The following RXFP2 variants were observed in gnomAD, a reference collection of about 807,000 sequenced individuals.
The protein encoded by RXFP2 is relaxin receptor 2.
RXFP2 carries 68 observed loss-of-function variants against 88.6 expected under a neutral mutation model. That is an observed-to-expected ratio of 0.77 (90% CI 0.63 to 0.94). The LOEUF is 0.94. Among genes scored for constraint, RXFP2 ranks in the 40% least tolerant of loss-of-function variants. The pLI is 0.00. For missense variants in RXFP2, 791 were observed against 893.9 expected, an observed-to-expected ratio of 0.88 and a Z score of 1.47; for synonymous variants, 329 against 306.8, an observed-to-expected ratio of 1.07 and a Z score of -0.76.
intron 1 of RXFP2, among the ~76,000 whole-genome samples, chr13:31,753,403 G>A (rs1871764345): frequency 6.6e-6 from 1 of 152,064 alleles, no homozygotes; most frequent in African/African-American, 2.4e-5. Flanking sequence ...ACAGAAGAAG[G>A]GTGACTACTG....
intron 5 of RXFP2, among the ~76,000 whole-genome samples, chr13:31,773,550 T>G (rs1872810957): frequency 6.6e-6 from 1 of 152,174 alleles, no homozygotes; most frequent in African/African-American, 2.4e-5. Flanking sequence ...AATATTCATT[T>G]GTACCCCTTC....
chr13:31,781,858 A>T, intron 10 of RXFP2, 116 bp downstream of exon 10: 1 of 757,940 alleles, frequency 1.3e-6, no homozygotes, highest in South Asian at 1.6e-5. Flanking sequence ...TTGGTCTGAC[A>T]CTGCAGTGCT....
At position 31,756,857 on chromosome 13, in the gene RXFP2, G is replaced by A. The variant is rs115540195; in HGVS notation, c.95-1401G>A. Among the ~76,000 whole-genome samples the A allele has an allele frequency of 9.0e-3, 1,368 of 152,154 alleles. 21 individuals carry two copies. The highest frequency in any genetic ancestry group is 0.031 in the African/African-American group (1,291 of 41,478). On this transcript the variant is annotated intron_variant, in intron 1 of 17. Transcript: ENST00000298386. ...GCTGGTCTCAAACTGCTGGCCTCAA[G>A]TAATTTCCCCACCTCGGCCTCAAAG...
At chr13:31,759,382 AAAG>A (rs1872153095) in intron 2 of RXFP2, among the ~76,000 whole-genome samples, 2 of 126,226 alleles carry the variant, frequency 1.6e-5, no homozygotes, top group African/African-American at 6.0e-5. Context: ...ATTGAGAAAG[AAAG>A]AAAGAAAGAA....
chr13:31,796,406 A>G (rs1443089712), intron 16 of RXFP2, among the ~76,000 whole-genome samples: 3 of 151,670 alleles, frequency 2.0e-5, no homozygotes, highest in African/African-American at 7.2e-5. Flanking sequence ...TCATTTATTA[A>G]AATTATTTTT....
chr13:31,781,647 A>C (rs752541996), intron 9 of RXFP2, 24 bp from the exon 10 acceptor site: 1 of 1,537,314 alleles, frequency 6.5e-7, no homozygotes, highest in Non-Finnish European at 9.0e-7. Flanking sequence ...AATATTAAAA[A>C]TATCTTTCCT....
intron 3 of RXFP2, among the ~76,000 whole-genome samples, chr13:31,764,528 G>T (rs1169047436): frequency 6.6e-6 from 1 of 152,156 alleles, no homozygotes; most frequent in Non-Finnish European, 1.5e-5. Context: ...TATCTGGCTG[G>T]ATGGATTTTA....
intron 1 of RXFP2, among the ~76,000 whole-genome samples, chr13:31,752,046 C>T (rs1374453527): frequency 6.6e-5 from 10 of 152,174 alleles, no homozygotes; most frequent in Non-Finnish European, 2.9e-5. Context: ...CCACCAACAG[C>T]CACAGCATTC....
At chr13:31,750,654 AG>A (rs1157840338) in intron 1 of RXFP2, among the ~76,000 whole-genome samples, 2 of 152,190 alleles carry the variant, frequency 1.3e-5, no homozygotes, top group Admixed American at 6.5e-5. Flanking sequence ...GAGGGAAAAA[AG>A]TTTTTAACCT....
At chr13:31,762,028 T>C (rs887211641) in intron 3 of RXFP2, among the ~76,000 whole-genome samples, 11 of 152,214 alleles carry the variant, frequency 7.2e-5, no homozygotes, top group African/African-American at 2.4e-4. Flanking sequence ...ATTGCAAGAA[T>C]ATATAAGTAT....
intron 15 of RXFP2, 37 bp downstream of exon 15, chr13:31,792,072 C>A: frequency 6.9e-7 from 1 of 1,453,176 alleles, no homozygotes; most frequent in Non-Finnish European, 9.7e-7. Context: ...TTAAGGATAT[C>A]TTCTGTGAGT....
At chr13:31,792,559 A>G (rs1593470793) in intron 15 of RXFP2, 119 bp from the exon 16 acceptor site, 16 of 953,110 alleles carry the variant, frequency 1.7e-5, no homozygotes, top group South Asian at 5.6e-5. Flanking sequence ...TTCATTTGAT[A>G]TAAGATGAAA....
chr13:31,766,683 G>C (rs1177522301), intron 5 of RXFP2, among the ~76,000 whole-genome samples: 4 of 152,076 alleles, frequency 2.6e-5, no homozygotes, highest in Non-Finnish European at 4.4e-5. Flanking sequence ...CAATCCCTTT[G>C]CTTTGATTCT....
chr13:31,774,602 T>A lies in RXFP2; in HGVS notation c.498-18T>A. 7.4e-7 allele frequency: 1 copy of A among 1,349,336 alleles called. No homozygotes were observed. 83.6% of individuals were successfully genotyped at this position (1,349,336 alleles called of 1,614,324 possible). A position where few individuals can be genotyped will look rare whatever the true frequency, so the allele number is the denominator to read the frequency against. On this transcript the variant is annotated intron_variant, in intron 5 of 17. Coordinates refer to ENST00000298386, the MANE Select transcript of RXFP2 (RefSeq NM_130806.5). ...CATAAACCATAATCACCTGACTCTC[T>A]TATCTTATTCCTACCAGATTTCTTC...
intron 5 of RXFP2, among the ~76,000 whole-genome samples, chr13:31,767,977 T>C (rs1184830171): frequency 6.6e-6 from 1 of 152,180 alleles, no homozygotes; most frequent in African/African-American, 2.4e-5. Context: ...TTCCTTGGTC[T>C]ATTAACTCAT....
intron 5 of RXFP2, among the ~76,000 whole-genome samples, chr13:31,769,848 C>T (rs949088506): frequency 5.9e-5 from 9 of 152,134 alleles, no homozygotes; most frequent in Admixed American, 1.3e-4. Context: ...CTTTTCTTAC[C>T]GGAGTGTGAA....
At chr13:31,756,928 T>C (rs1479361197) in intron 1 of RXFP2, among the ~76,000 whole-genome samples, 1 of 152,076 alleles carries the variant, frequency 6.6e-6, no homozygotes, top group East Asian at 1.9e-4. Context: ...CAGGACTCTT[T>C]TTAAAAAAAA....
Position 31,799,219 on chromosome 13 carries a change from C to CAAA in RXFP2, c.2005+1812_2005+1814dup, listed in dbSNP as rs66998436. Among the ~76,000 whole-genome samples, 995 of 143,286 alleles carry CAAA rather than the reference C, an allele frequency of 6.9e-3. 11 individuals carry two copies. Among genetic ancestry groups the CAAA allele is most frequent in the African/African-American group, 0.025 (955 of 38,676 alleles). 94.0% of individuals were successfully genotyped at this position (143,286 alleles called of 152,430 possible). On this transcript the variant is annotated intron_variant, in intron 17 of 17. Coordinates refer to ENST00000298386, the MANE Select transcript of RXFP2 (RefSeq NM_130806.5). ...CCCACTACTGTCTCCACACTTTCTT[C>CAAA]AAAAAAAAAAAAAATGGAGTCTCGC...
intron 1 of RXFP2, among the ~76,000 whole-genome samples, chr13:31,742,735 T>G (rs1172588881): frequency 1.3e-5 from 2 of 152,192 alleles, no homozygotes; most frequent in African/African-American, 2.4e-5. Flanking sequence ...TGCTTTCTAA[T>G]AGGTTGGTAT....
Sources: gnomAD v4.1 joint callset for allele counts (sites outside exome capture counted in the v4.1 genomes callset) on GRCh38, gnomAD v4.1.1 for gene constraint, MANE v1.5 for transcripts, NCBI Gene and HGNC (gene_info 2026-07-23, HGNC 2026-07-21) for gene names.